TLR7: variants seen among roughly 807,000 people sequenced by gnomAD.
The protein encoded by TLR7 is toll like receptor 7.
In TLR7, 12 loss-of-function variants were observed where a neutral mutation model predicts 38.3. The ratio of observed to expected loss-of-function variants is 0.31; its 90% CI spans 0.20 to 0.51. The LOEUF (loss-of-function observed/expected upper bound fraction) is 0.51, where lower values mean the gene tolerates loss of function less well. Ranked by LOEUF, TLR7 falls within the 20% of genes least tolerant of loss-of-function variation. TLR7 has a pLI of 0.98. For missense variants in TLR7, 504 were observed against 743.4 expected (o/e 0.68, Z 3.74); for synonymous variants, 285 against 293.8 (o/e 0.97, Z 0.31).
In TLR7 at chrX:12,888,816, G is replaced by C. The variant is rs1265623117; in HGVS notation, c.*158G>C. On this transcript the variant is annotated 3_prime_UTR_variant, in exon 3 of 3. Coordinates refer to ENST00000380659, the MANE Select transcript of TLR7 (RefSeq NM_016562.4). ...GCCACCAACGTCTGTCACAGGAGTT[G>C]GAAAGATGGGGTTTATATAATGCAT... The C allele has an allele frequency of 7.9e-6, 4 of 508,177 alleles. No homozygotes were observed. The highest frequency in any genetic ancestry group is 9.2e-6 in the Non-Finnish European group (3 of 325,916). The allele number at this position is 508,177 out of a possible 1,213,427, so 41.9% of individuals were successfully genotyped here.
In TLR7 at chrX:12,888,174, G is replaced by C; in HGVS notation, c.2666G>C (p.Cys889Ser). 8.3e-7 allele frequency: 1 copy of C among 1,211,984 alleles called. No homozygotes were observed. The highest frequency in any genetic ancestry group is 1.1e-6 in the Non-Finnish European group (1 of 895,572). The change falls in exon 3 of 3, where the codon TGT becomes TCT. Residue 889 changes from cysteine to serine, a missense_variant. By Grantham distance (112) the Cys-to-Ser change is moderately radical. Coordinates refer to ENST00000380659, the MANE Select transcript of TLR7 (RefSeq NM_016562.4). ...TATCAGCGTCTAATATCACCAGACTGTTGCTATGATGCTTTTATTGTGTAT... is the reference window on the plus strand; with the variant it reads ...TATCAGCGTCTAATATCACCAGACTCTTGCTATGATGCTTTTATTGTGTAT... The part of the protein sequence containing the change: ...KGYQRLISPD[C>S]CYDAFIVYDT...
chrX:12,871,014 T>C (rs1429626161), intron 2 of TLR7, among the ~76,000 whole-genome samples: 1 of 112,227 alleles, frequency 8.9e-6, no homozygotes, highest in Non-Finnish European at 1.9e-5. Flanking sequence ...ATAATAGCTG[T>C]TGAGTTCCTA....
intron 2 of TLR7, among the ~76,000 whole-genome samples, chrX:12,882,832 A>G (rs2042897264): frequency 8.9e-6 from 1 of 111,844 alleles, no homozygotes. Context: ...TTTTAACTCA[A>G]TTCAGCGATC....
rs1273823451 is a variant in TLR7 at position 12,867,528 on chromosome X, T to C, written c.-51T>C. ...AAGCTGATCTTGGCACCTCTCATGC[T>C]CTGCTCTCTTCAACCAGACCTCTAC... On this transcript the variant is annotated 5_prime_UTR_variant, in exon 2 of 3. Coordinates refer to ENST00000380659, the MANE Select transcript of TLR7 (RefSeq NM_016562.4). 8.4e-7 allele frequency: 1 copy of C among 1,189,031 alleles called. No homozygotes were observed. Among genetic ancestry groups the C allele is most frequent in the Admixed American group, 2.2e-5 (1 of 45,718 alleles).
intron 2 of TLR7, among the ~76,000 whole-genome samples, chrX:12,869,092 C>T (rs1052769724): frequency 3.6e-5 from 4 of 111,708 alleles, no homozygotes; most frequent in African/African-American, 1.3e-4. Flanking sequence ...GCTCTGAAAG[C>T]TGTGCTGAAG....
At chrX:12,869,502 C>G (rs762599100) in intron 2 of TLR7, among the ~76,000 whole-genome samples, 2 of 111,117 alleles carry the variant, frequency 1.8e-5, no homozygotes, top group African/African-American at 6.5e-5. Flanking sequence ...AAACCAAACA[C>G]CGCATGTTCT....
In TLR7 at chrX:12,886,854, G is replaced by A. The variant is rs767598310; in HGVS notation, c.1346G>A (p.Arg449Lys). Residue 449 changes from arginine to lysine, a missense_variant, in exon 3 of 3, where the codon AGA (arginine) becomes AAA (lysine). Coordinates refer to ENST00000380659, the MANE Select transcript of TLR7 (RefSeq NM_016562.4). ...GAAGTTGGCTTCTGCTCAAATGCCA[G>A]AACTTCTGTAGAAAGTTATGAACCC... Reference protein sequence around the residue: ...SSEVGFCSNARTSVESYEPQV... With the variant: ...SSEVGFCSNAKTSVESYEPQV... 8.3e-7 allele frequency: 1 copy of A among 1,210,190 alleles called. No homozygotes were observed. The highest frequency in any genetic ancestry group is 2.2e-5 in the Admixed American group (1 of 45,935).
At chrX:12,870,075 T>A (rs2042847299) in intron 2 of TLR7, among the ~76,000 whole-genome samples, 1 of 110,679 alleles carries the variant, frequency 9.0e-6, no homozygotes, top group Non-Finnish European at 1.9e-5. Flanking sequence ...TCACTAAATG[T>A]TGGATAATCT....
intron 2 of TLR7, among the ~76,000 whole-genome samples, chrX:12,871,753 AG>A: frequency 9.0e-6 from 1 of 111,545 alleles, no homozygotes. Context: ...GTTGTAGCCC[AG>A]GGGGTGCCCA....
intron 2 of TLR7, among the ~76,000 whole-genome samples, chrX:12,885,015 T>C (rs1363078195): frequency 8.9e-6 from 1 of 112,934 alleles, no homozygotes; most frequent in Non-Finnish European, 1.9e-5. Flanking sequence ...TGCTGAGCGA[T>C]GTCTTCATTT....
chrX:12,875,805 A>G (rs779436084), intron 2 of TLR7, among the ~76,000 whole-genome samples: 1 of 112,124 alleles, frequency 8.9e-6, no homozygotes, highest in South Asian at 3.7e-4. Flanking sequence ...CTTTTTCTTT[A>G]TAAATTACCC....
chrX:12,882,675 T>A (rs147638651), intron 2 of TLR7, among the ~76,000 whole-genome samples: 1 of 112,072 alleles, frequency 8.9e-6, no homozygotes, highest in African/African-American at 3.2e-5. Context: ...ACATTTACCA[T>A]CACACCACTG....
At chrX:12,881,258 T>C (rs1341100372) in intron 2 of TLR7, among the ~76,000 whole-genome samples, 1 of 106,728 alleles carries the variant, frequency 9.4e-6, no homozygotes, top group African/African-American at 3.4e-5. Flanking sequence ...ATAATAATAA[T>C]AATAGTCTAT....
In TLR7 at chrX:12,887,702, A is replaced by G; in HGVS notation, c.2194A>G (p.Asn732Asp). ...AAGCCTCAAGAATCTGATTCTTAAG[A>G]ATAATCAAATCAGGAGTCTGACGAA... is the stretch of plus-strand genomic sequence containing the variant. ...SRSLKNLILK[N>D]NQIRSLTKYF... is the part of the protein sequence containing the mutation. The change falls in exon 3 of 3, where the codon AAT becomes GAT. Residue 732 changes from asparagine to aspartate, a missense_variant. Physicochemically the swap from Asn to Asp is conservative, Grantham distance 23. Transcript: ENST00000380659. The G allele has an allele frequency of 8.3e-7, 1 of 1,211,377 alleles. No individual in the cohort carries two copies. The highest frequency in any genetic ancestry group is 1.8e-5 in the South Asian group (1 of 56,993).
rs747349276 is a variant in TLR7 at position 12,886,379 on chromosome X, G to C, written c.871G>C (p.Glu291Gln). Residue 291 changes from glutamate (E) to glutamine (Q), a missense_variant, in exon 3 of 3, where the codon GAA becomes CAA. Coordinates refer to ENST00000380659, the MANE Select transcript of TLR7 (RefSeq NM_016562.4). Reference sequence around the variant, plus strand: ...TGTAAATGCTTTTGATGCGCTGACAGAATTAAAAGTTTTACGTCTACACAG... The same window carrying C: ...TGTAAATGCTTTTGATGCGCTGACACAATTAAAAGTTTTACGTCTACACAG... ...IPVNAFDALTELKVLRLHSNS... is the reference protein window; with the variant it reads ...IPVNAFDALTQLKVLRLHSNS... 1.1e-5 allele frequency: 13 copies of C among 1,210,330 alleles called. No individual in the cohort carries two copies. In the African/African-American group the frequency reaches 2.3e-4, roughly 21 times the overall value.
rs753362405 is a variant in TLR7, at chrX:12,867,467, T to C, written c.-98-14T>C. 1 of 649,642 alleles carries C rather than the reference T, an allele frequency of 1.5e-6. No homozygotes were observed. The highest frequency in any genetic ancestry group is 2.8e-5 in the Admixed American group (1 of 36,069). The allele number at this position is 649,642 out of a possible 1,213,427, so 53.5% of individuals were successfully genotyped here. On this transcript the variant is annotated splice_polypyrimidine_tract_variant and intron_variant, in intron 1 of 2. Transcript: ENST00000380659. ...CTTTGAAATGTAAACTTTGATGTCT[T>C]CTCTTTCTCTTAGTTGATGCTATTG... is the stretch of plus-strand genomic sequence containing the variant.
At chrX:12,869,799 A>T (rs2042846141) in intron 2 of TLR7, among the ~76,000 whole-genome samples, 1 of 104,055 alleles carries the variant, frequency 9.6e-6, no homozygotes, top group Non-Finnish European at 2.0e-5. Context: ...GACATGGAAA[A>T]CTATTTACCA....
intron 2 of TLR7, among the ~76,000 whole-genome samples, chrX:12,884,142 CTAATTTTTTA>C (rs777526122): frequency 4.1e-4 from 46 of 111,232 alleles, no homozygotes; most frequent in Non-Finnish European, 7.0e-4. Context: ...CCATGCCCAG[CTAATTTTTTA>C]TTTTCTGTAG....
chrX:12,876,209 T>C lies in TLR7; in HGVS notation c.3+8628T>C, dbSNP rs1424060107. Among the ~76,000 whole-genome samples the C allele has an allele frequency of 5.4e-5, 6 of 111,953 alleles. No homozygotes were observed. In the East Asian group the frequency reaches 1.4e-3, roughly 26 times the overall value. On this transcript the variant is annotated intron_variant, in intron 2 of 2. Coordinates refer to ENST00000380659, the MANE Select transcript of TLR7 (RefSeq NM_016562.4). Reference sequence around the variant, plus strand: ...CTCACCTCAGGTGATCCTCCCGCCTTGGACTCCCAAAGTGCTGGGATTTCA... The same window carrying C: ...CTCACCTCAGGTGATCCTCCCGCCTCGGACTCCCAAAGTGCTGGGATTTCA...
Sources: allele counts gnomAD v4.1 joint callset (sites outside exome capture counted in the v4.1 genomes callset), GRCh38; gene constraint gnomAD v4.1.1; transcripts MANE v1.5; gene names NCBI Gene and HGNC (gene_info 2026-07-23, HGNC 2026-07-21).